LAMA3: variants seen among roughly 807,000 people sequenced by gnomAD.
The protein encoded by LAMA3 is laminin subunit alpha-3.
Under a neutral mutation model 402.0 loss-of-function variants are expected in LAMA3, and 281 were observed. The ratio of observed to expected loss-of-function variants is 0.70; its 90% CI spans 0.63 to 0.77. The LOEUF (loss-of-function observed/expected upper bound fraction) is 0.77. Ranked by LOEUF, LAMA3 falls within the 30% of genes least tolerant of loss-of-function variation. LAMA3 has a pLI of 0.00. For missense variants in LAMA3, 3,840 were observed against 4,215.5 expected, an observed-to-expected ratio of 0.91 and a Z score of 2.47; for synonymous variants, 1,431 against 1,558.4, an observed-to-expected ratio of 0.92 and a Z score of 1.93.
At chr18:23,944,106 C>G in intron 69 of LAMA3, 135 bp downstream of exon 69, 1 of 842,758 alleles carries the variant, frequency 1.2e-6, no homozygotes, top group South Asian at 1.5e-5. Flanking sequence ...GCAGGCGCTG[C>G]GTTCCCAGCA....
At chr18:23,713,383 T>C (rs1035444980) in intron 1 of LAMA3, among the ~76,000 whole-genome samples, 1 of 152,224 alleles carries the variant, frequency 6.6e-6, no homozygotes, top group African/African-American at 2.4e-5. Flanking sequence ...ACATGCCTTC[T>C]CTTTCACCAT....
intron 12 of LAMA3, among the ~76,000 whole-genome samples, chr18:23,808,545 T>C (rs1351143759): frequency 2.0e-5 from 3 of 152,150 alleles, no homozygotes; most frequent in African/African-American, 7.2e-5. Flanking sequence ...GTCTGCTGGA[T>C]GGATGACTGT....
intron 12 of LAMA3, among the ~76,000 whole-genome samples, chr18:23,787,057 G>T (rs2062558723): frequency 6.6e-6 from 1 of 152,162 alleles, no homozygotes; most frequent in Admixed American, 6.5e-5. Flanking sequence ...CAAGAGGGGT[G>T]GATCACTTGA....
intron 1 of LAMA3, among the ~76,000 whole-genome samples, chr18:23,696,160 T>G (rs908642452): frequency 2.0e-5 from 3 of 152,260 alleles, no homozygotes; most frequent in African/African-American, 7.2e-5. Context: ...CTATGCAAGA[T>G]AGTTTGCACA....
At chr18:23,877,724 G>A (rs2064768212) in intron 39 of LAMA3, among the ~76,000 whole-genome samples, 1 of 152,164 alleles carries the variant, frequency 6.6e-6, no homozygotes, top group African/African-American at 2.4e-5. Flanking sequence ...AGGGTATTGG[G>A]AAATACTGTT....
intron 18 of LAMA3, among the ~76,000 whole-genome samples, chr18:23,818,949 A>G (rs1427754758): frequency 6.6e-6 from 1 of 152,066 alleles, no homozygotes; most frequent in Non-Finnish European, 1.5e-5. Flanking sequence ...TAATTCTTTG[A>G]CTATCTACAA....
At chr18:23,826,826 G>A (rs1219458045) in intron 22 of LAMA3, 27 bp downstream of exon 22, 6 of 1,393,434 alleles carry the variant, frequency 4.3e-6, no homozygotes, top group Admixed American at 3.9e-5. Context: ...AGGTGCAGCC[G>A]CATCATTGGG....
chr18:23,758,328 A>G, intron 6 of LAMA3, 68 bp from the exon 7 acceptor site: 1 of 1,135,754 alleles, frequency 8.8e-7, no homozygotes, highest in East Asian at 2.5e-5. Context: ...TCAGGTTCGC[A>G]CTATAGGATC....
At chr18:23,734,471 G>C (rs892128063) in intron 2 of LAMA3, among the ~76,000 whole-genome samples, 2 of 152,140 alleles carry the variant, frequency 1.3e-5, no homozygotes, top group East Asian at 1.9e-4. Context: ...CTGAGGTTTT[G>C]GCATGCATGG....
At chr18:23,904,133 C>G (rs1174945508) in intron 50 of LAMA3, 46 bp downstream of exon 50, 1 of 1,608,468 alleles carries the variant, frequency 6.2e-7, no homozygotes. Flanking sequence ...GGGCTGAGCT[C>G]AGCAGCTTGT....
chr18:23,915,486 C>T (rs2081580700), intron 59 of LAMA3, 64 bp downstream of exon 59: 1 of 1,483,742 alleles, frequency 6.7e-7, no homozygotes. Context: ...AGTACTTTTA[C>T]ATATGATAAA....
At chr18:23,736,110 T>C (rs797022121) in intron 2 of LAMA3, among the ~76,000 whole-genome samples, 9 of 152,058 alleles carry the variant, frequency 5.9e-5, no homozygotes, top group African/African-American at 1.7e-4. Context: ...CACAAGGAGA[T>C]TGAGTGAATC....
At chr18:23,699,017 G>A (rs1472169942) in intron 1 of LAMA3, among the ~76,000 whole-genome samples, 4 of 139,950 alleles carry the variant, frequency 2.9e-5, no homozygotes, top group Non-Finnish European at 4.6e-5. Flanking sequence ...AGGCTGAGGC[G>A]GGCAGATAGA....
Position 23,904,052 on chromosome 18 carries a change from G to T in LAMA3, c.6438G>T (p.Ala2146=). The T allele has an allele frequency of 6.2e-7, 1 of 1,613,978 alleles. No individual in the cohort carries two copies. Among genetic ancestry groups the T allele is most frequent in the Non-Finnish European group, 8.5e-7 (1 of 1,180,048 alleles). Residue 2146 remains alanine (A), a synonymous_variant, in exon 50 of 75, where the codon GCG becomes GCT. Coordinates refer to ENST00000313654, the MANE Select transcript of LAMA3 (RefSeq NM_198129.4). ...TTGTGGAGGAGGCAGAAAAGCACGC[G>T]CGGTCCTTACAAGAGCTGGCAAAGC... ...TSLVEEAEKH[A]RSLQELAKQL...
chr18:23,898,646 C>A, intron 44 of LAMA3, 92 bp from the exon 45 acceptor site: 1 of 804,482 alleles, frequency 1.2e-6, no homozygotes. Flanking sequence ...ATGGTCTTGC[C>A]AAATGATTCT....
At chr18:23,939,103 T>G (rs1432703839) in intron 67 of LAMA3, 120 bp from the exon 68 acceptor site, 1 of 1,065,026 alleles carries the variant, frequency 9.4e-7, no homozygotes, top group Non-Finnish European at 1.4e-6. Flanking sequence ...GTACCAGGCC[T>G]TCTATTGCCC....
chr18:23,703,338 T>A (rs2145856751), intron 1 of LAMA3, among the ~76,000 whole-genome samples: 1 of 152,264 alleles, frequency 6.6e-6, no homozygotes, highest in East Asian at 1.9e-4. Flanking sequence ...ATTAACCCAT[T>A]ATAATAAAGA....
chr18:23,734,542 C>T (rs1000295205), intron 2 of LAMA3, among the ~76,000 whole-genome samples: 2 of 152,222 alleles, frequency 1.3e-5, no homozygotes, highest in East Asian at 1.9e-4. Context: ...CGGAGTGTGC[C>T]TCTAACTATC....
chr18:23,767,302 C>T (rs1225929953), intron 8 of LAMA3, among the ~76,000 whole-genome samples: 1 of 152,174 alleles, frequency 6.6e-6, no homozygotes, highest in Non-Finnish European at 1.5e-5. Flanking sequence ...CTGCCCAAAG[C>T]AATCTACAGA....
Sources: gnomAD v4.1 joint callset for allele counts (sites outside exome capture counted in the v4.1 genomes callset) on GRCh38, gnomAD v4.1.1 for gene constraint, MANE v1.5 for transcripts, NCBI Gene and HGNC (gene_info 2026-07-23, HGNC 2026-07-21) for gene names.